Variants in DNHD1 observed in about 807,000 individuals in gnomAD.
The protein encoded by DNHD1 is dynein heavy chain domain-containing protein 1.
A neutral mutation model predicts 458.1 loss-of-function variants in DNHD1; 383 were observed. The ratio of observed to expected loss-of-function variants is 0.84; its 90% CI spans 0.77 to 0.91. DNHD1 has a LOEUF of 0.91. Ranked by LOEUF, DNHD1 falls within the 40% of genes least tolerant of loss-of-function variation. DNHD1 has a pLI of 0.00. For synonymous variants in DNHD1, 2,203 were observed against 2,376.9 expected (o/e 0.93, Z 2.13); for missense variants, 5,336 against 5,866.1 (o/e 0.91, Z 2.95).
At position 6,547,214 on chromosome 11, in the gene DNHD1, G is replaced by T. The variant is rs1489971543; in HGVS notation, c.6275G>T (p.Gly2092Val). ...ATAATATGTGATGGAGCCTCCAATG[G>T]TGCTTGGCTGGACTCCATCACTTGC... ...HWIICDGASN[G>V]AWLDSITCLL... Residue 2092 changes from glycine to valine, a missense_variant, in exon 21 of 43, where the codon GGT becomes GTT. By Grantham distance (109) the Gly-to-Val change is moderately radical. Transcript: ENST00000254579. 2 of 1,551,668 alleles carry T rather than the reference G, an allele frequency of 1.3e-6. No homozygotes were observed. Among genetic ancestry groups the T allele is most frequent in the Non-Finnish European group, 1.7e-6 (2 of 1,147,026 alleles).
rs1853222061 is a variant in DNHD1 at position 6,546,551 on chromosome 11, C to A, written c.5612C>A (p.Pro1871His). ...LERELVSGPL[P>H]CRLPLLKQIL... The stretch of plus-strand genomic sequence containing the variant: ...CGTGAGCTGGTGTCTGGGCCCCTGC[C>A]CTGCCGCCTGCCACTGCTCAAGCAG... Residue 1871 changes from proline to histidine, a missense_variant, in exon 21 of 43, where the codon CCC becomes CAC. By Grantham distance (77) the Pro-to-His change is moderately conservative. Coordinates refer to ENST00000254579, the MANE Select transcript of DNHD1 (RefSeq NM_144666.3). 1.3e-6 allele frequency: 2 copies of A among 1,551,372 alleles called. No individual in the cohort carries two copies. The highest frequency in any genetic ancestry group is 1.7e-6 in the Non-Finnish European group (2 of 1,146,950).
chr11:6,518,399 CT>C (rs1323247414), intron 7 of DNHD1, among the ~76,000 whole-genome samples: 1 of 152,182 alleles, frequency 6.6e-6, no homozygotes, highest in African/African-American at 2.4e-5. Context: ...GTTATCACCC[CT>C]AGTATTGGTG....
At chr11:6,553,823 T>G (rs534067848) in intron 24 of DNHD1, among the ~76,000 whole-genome samples, 29 of 152,298 alleles carry the variant, frequency 1.9e-4, no homozygotes, top group African/African-American at 7.0e-4. Context: ...AATGACTAAA[T>G]ATTGCTGAGA....
Position 6,545,831 on chromosome 11 carries a change from CCTCT to C in DNHD1, c.4895_4898del (p.Ser1632CysfsTer8). 5 of 1,551,882 alleles carry C rather than the reference CCTCT, an allele frequency of 3.2e-6. No homozygotes were observed. The highest frequency in any genetic ancestry group is 4.4e-6 in the Non-Finnish European group (5 of 1,147,010). ...CTTAAGACTATTGCATCTTCTGAAC[CCTCT>C]CTGTCACCAGCGGCATGCTGGATAG... On this transcript the variant is annotated frameshift_variant, in exon 21 of 43. Transcript: ENST00000254579. This position sits in a 1 kb window ranked among gnomAD's most constrained non-coding sequence, Gnocchi z 4.9.
chr11:6,544,355 GTGA>G, intron 19 of DNHD1, 109 bp downstream of exon 19: 1 of 1,297,284 alleles, frequency 7.7e-7, no homozygotes, highest in Non-Finnish European at 1.1e-6. Flanking sequence ...GAAGAACACA[GTGA>G]GGACCTCCTT....
chr11:6,528,438 C>CGTGTGTGTGT lies in DNHD1; in HGVS notation c.1838-84_1838-83insGTGTGTGTGT, dbSNP rs1565003444. The CGTGTGTGTGT allele has an allele frequency of 3.9e-5, 39 of 987,366 alleles. No individual in the cohort carries two copies. In the African/African-American group the frequency reaches 7.1e-4, roughly 18 times the overall value. The allele number at this position is 987,366 out of a possible 1,614,324, so 61.2% of individuals were successfully genotyped here. A position where few individuals can be genotyped will look rare whatever the true frequency, so the allele number is the denominator to read the frequency against. On this transcript the variant is annotated intron_variant, in intron 10 of 42. Coordinates refer to ENST00000254579, the MANE Select transcript of DNHD1 (RefSeq NM_144666.3). ...GTGTGTGTGTGTGTGTGTGTGTGTA[C>CGTGTGTGTGT]ACACACTGAGGGCAAGGAGAAAGGA...
In DNHD1 at chr11:6,500,009, G is replaced by T. The variant is rs572381818; in HGVS notation, c.746+1048G>T. 3.3e-5 allele frequency among the ~76,000 whole-genome samples: 5 copies of T among 150,192 alleles called. No homozygotes were observed. The East Asian group carries it at 9.8e-4, about 29-fold the overall frequency. On this transcript the variant is annotated intron_variant, in intron 3 of 42. Transcript: ENST00000254579. ...AAACAGAGTCTCACTCTGTCGCCCA[G>T]GCTAGAGTGCAGTGGCCTGACCTTG... is the stretch of plus-strand genomic sequence containing the variant.
At chr11:6,570,562 G>C (rs571515448) in intron 41 of DNHD1, 56 bp from the exon 42 acceptor site, 1 of 1,511,468 alleles carries the variant, frequency 6.6e-7, no homozygotes, top group African/African-American at 1.4e-5. Flanking sequence ...CTACTCTCTC[G>C]AGTCTAGGGT....
At chr11:6,538,849 T>TA in intron 16 of DNHD1, 39 bp downstream of exon 16, 1 of 1,458,368 alleles carries the variant, frequency 6.9e-7, no homozygotes, top group Non-Finnish European at 9.1e-7. Context: ...GAAAGGGAAA[T>TA]ATGTGAGGTT....
At position 6,533,599 on chromosome 11, in the gene DNHD1, A is replaced by AG. The variant is rs1477243608; in HGVS notation, c.2506-80dup. 2.0e-5 allele frequency: 30 copies of AG among 1,468,276 alleles called. No homozygotes were observed. In the South Asian group the frequency reaches 3.8e-4, roughly 19 times the overall value. 91.0% of individuals were successfully genotyped at this position (1,468,276 alleles called of 1,614,324 possible). On this transcript the variant is annotated intron_variant, in intron 13 of 42. Transcript: ENST00000254579. ...CTGGGTCTGGAGACTTCACTCCAAA[A>AG]GGTGGGAGTTCCCCTTGGGGATGGG...
At chr11:6,532,638 C>T (rs1219813084) in intron 12 of DNHD1, among the ~76,000 whole-genome samples, 4 of 152,204 alleles carry the variant, frequency 2.6e-5, no homozygotes, top group South Asian at 4.1e-4. Context: ...GTGTTCCCTT[C>T]TCTGAAGGGG....
rs1201089106 is a variant in DNHD1 at position 6,566,231 on chromosome 11, CCT to C, written c.11054-6_11054-5del. 3 of 1,550,434 alleles carry C rather than the reference CCT, an allele frequency of 1.9e-6. No homozygotes were observed. The highest frequency in any genetic ancestry group is 2.7e-5 in the African/African-American group (2 of 73,132). ...ATTGTGGGTAGGGTGCCTTTGCCTCCCTCTCACAGGCCTGCCTGTGTTACTGA... is the reference window on the plus strand; with the variant it reads ...ATTGTGGGTAGGGTGCCTTTGCCTCCCTCACAGGCCTGCCTGTGTTACTGA... On this transcript the variant is annotated splice_polypyrimidine_tract_variant and splice_region_variant and intron_variant, in intron 33 of 42. Transcript: ENST00000254579.
In DNHD1 at chr11:6,545,871, C is replaced by T. The variant is rs769849128; in HGVS notation, c.4932C>T (p.Gly1644=). Residue 1644 remains glycine, a synonymous_variant, in exon 21 of 43, where the codon GGC becomes GGT. Transcript: ENST00000254579. The surrounding 1 kb of genome is among the most constrained non-coding windows in gnomAD (Gnocchi z 4.9). ...CGGCATGCTGGATAGATGTGCTAGGCAGGTCCTTCCTGTACAATTACGAGT... is the reference window on the plus strand; with the variant it reads ...CGGCATGCTGGATAGATGTGCTAGGTAGGTCCTTCCTGTACAATTACGAGT... ...SPAACWIDVL[G]RSFLYNYEYL... 12 of 1,551,738 alleles carry T rather than the reference C, an allele frequency of 7.7e-6. No individual in the cohort carries two copies. The highest frequency in any genetic ancestry group is 1.0e-5 in the Non-Finnish European group (12 of 1,147,032).
rs976048326 is a variant in DNHD1 at position 6,559,047 on chromosome 11, G to A, written c.9357G>A (p.Leu3119=). The change falls in exon 27 of 43, where the codon CTG becomes CTA. Residue 3119 remains leucine, a synonymous_variant. Coordinates refer to ENST00000254579, the MANE Select transcript of DNHD1 (RefSeq NM_144666.3). The part of the protein sequence containing the change: ...LVTPKTFLDF[L]DTFLMLQQQT... Reference sequence around the variant, plus strand: ...CCCCCAAGACCTTCCTAGACTTCCTGGACACTTTCCTGATGCTGCAGCAAC... The same window carrying A: ...CCCCCAAGACCTTCCTAGACTTCCTAGACACTTTCCTGATGCTGCAGCAAC... The A allele has an allele frequency of 7.7e-6, 12 of 1,551,436 alleles. No individual in the cohort carries two copies. Among genetic ancestry groups the A allele is most frequent in the South Asian group, 1.2e-5 (1 of 84,034 alleles).
At position 6,498,563 on chromosome 11, in the gene DNHD1, C is replaced by G. The variant is rs184106860; in HGVS notation, c.348C>G (p.Pro116=). 43 of 1,614,222 alleles carry G rather than the reference C, an allele frequency of 2.7e-5. 1 individual carries two copies. The East Asian group carries it at 9.6e-4, about 36-fold the overall frequency. ...TGGAGCAGCTGTACTGCTGGGCACC[C>G]TGGGTCCAAACCCACCTCCATCTGG... ...PFLEQLYCWA[P]WVQTHLHLDL... Residue 116 remains proline (P), a synonymous_variant, in exon 3 of 43, where the codon CCC becomes CCG. Transcript: ENST00000254579.
At chr11:6,529,304 A>G (rs1852778814) in intron 12 of DNHD1, among the ~76,000 whole-genome samples, 183 bp downstream of exon 12, 1 of 109,622 alleles carries the variant, frequency 9.1e-6, no homozygotes, top group African/African-American at 3.0e-5. Flanking sequence ...GCTCACTGCA[A>G]AGGCCGGCCT....
At position 6,571,925 on chromosome 11, in the gene DNHD1, A is replaced by G; in HGVS notation, c.14201A>G (p.Lys4734Arg). The G allele has an allele frequency of 6.2e-7, 1 of 1,613,962 alleles. No individual in the cohort carries two copies. The highest frequency in any genetic ancestry group is 8.5e-7 in the Non-Finnish European group (1 of 1,179,884). The change falls in exon 43 of 43, where the codon AAG becomes AGG. Residue 4734 changes from lysine (K) to arginine (R), a missense_variant. Physicochemically the swap from Lys to Arg is conservative, Grantham distance 26. Around this residue, in one of 4 missense-constraint regions of DNHD1, gnomAD observed 698 missense variants for 664.9 expected, o/e 1.05. Coordinates refer to ENST00000254579, the MANE Select transcript of DNHD1 (RefSeq NM_144666.3). This position sits in a 1 kb window ranked among gnomAD's most constrained non-coding sequence, Gnocchi z 5.0. The part of the protein sequence containing the change: ...NIVMHLPLPT[K>R]LTPNTCVQRR... ...GTGATGCATCTGCCTTTACCCACCAAGCTCACCCCCAACACCTGTGTCCAA... is the reference window on the plus strand; with the variant it reads ...GTGATGCATCTGCCTTTACCCACCAGGCTCACCCCCAACACCTGTGTCCAA...
intron 12 of DNHD1, among the ~76,000 whole-genome samples, chr11:6,529,335 T>C (rs1339556517): frequency 6.6e-6 from 1 of 152,206 alleles, no homozygotes; most frequent in African/African-American, 2.4e-5. Flanking sequence ...GCTCTGCTCA[T>C]ACCCTGTATT....
Position 6,557,407 on chromosome 11 carries a change from G to A in DNHD1, c.8112G>A (p.Arg2704=), listed in dbSNP as rs1400509678. 6.4e-7 allele frequency: 1 copy of A among 1,550,992 alleles called. No individual in the cohort carries two copies. The highest frequency in any genetic ancestry group is 1.7e-4 in the Middle Eastern group (1 of 5,998). ...QESEEEEEEE[R]VPEVESEGEL... ...GTGAGGAGGAGGAGGAGGAGGAGAG[G>A]GTGCCCGAAGTAGAATCTGAAGGGG... The change falls in exon 25 of 43, where the codon AGG becomes AGA. Residue 2704 remains arginine (R), a synonymous_variant. Coordinates refer to ENST00000254579, the MANE Select transcript of DNHD1 (RefSeq NM_144666.3).
Sources: allele counts gnomAD v4.1 joint callset (sites outside exome capture counted in the v4.1 genomes callset), GRCh38; gene constraint gnomAD v4.1.1; regional missense constraint gnomAD v4.1.1; non-coding constraint Gnocchi (gnomAD v3.1); transcripts MANE v1.5; gene names NCBI Gene and HGNC (gene_info 2026-07-23, HGNC 2026-07-21).